Variants in PCDHA11 observed in about 807,000 individuals in gnomAD.
PCDHA11 encodes protocadherin alpha 11.
In PCDHA11, 61 loss-of-function variants were observed where a neutral mutation model predicts 70.3. The observed-to-expected ratio is 0.87, with a 90% CI of 0.71 to 1.07. The LOEUF (loss-of-function observed/expected upper bound fraction) is 1.07, where lower values mean the gene tolerates loss of function less well. Among genes scored for constraint, PCDHA11 ranks in the 50% least tolerant of loss-of-function variants. The pLI is 0.00. For synonymous variants in PCDHA11, 633 were observed against 555.1 expected, an observed-to-expected ratio of 1.14 and a Z score of -1.97; for missense variants, 1,324 against 1,237.5, an observed-to-expected ratio of 1.07 and a Z score of -1.05.
intron 1 of PCDHA11, among the ~76,000 whole-genome samples, chr5:140,893,419 G>A (rs2063984571): frequency 6.6e-6 from 1 of 152,158 alleles, no homozygotes; most frequent in African/African-American, 2.4e-5. Context: ...TAGGGAGGCA[G>A]AGGCAGGAAG....
chr5:140,967,747 A>G (rs782650276), intron 1 of PCDHA11: 36 of 1,614,042 alleles, frequency 2.2e-5, no homozygotes, highest in Non-Finnish European at 3.0e-5. Context: ...ATTATGAGGA[A>G]GCCTCCTCCT....
At position 140,961,643 on chromosome 5, in the gene PCDHA11, A is replaced by G. The variant is rs533824470; in HGVS notation, c.2392-17306A>G. Reference sequence around the variant, plus strand: ...CCATATGAAAAACAATCTTAAGTCTATGTGGTTAGTTTGAAGTTACCAGTT... The same window carrying G: ...CCATATGAAAAACAATCTTAAGTCTGTGTGGTTAGTTTGAAGTTACCAGTT... On this transcript the variant is annotated intron_variant, in intron 1 of 3. Coordinates refer to ENST00000398640, the MANE Select transcript of PCDHA11 (RefSeq NM_018902.5). Among the ~76,000 whole-genome samples the G allele has an allele frequency of 7.2e-5, 11 of 152,324 alleles. No homozygotes were observed. The East Asian group carries it at 1.9e-3, about 27-fold the overall frequency.
intron 1 of PCDHA11, chr5:140,927,194 T>C (rs2083959275): frequency 1.2e-6 from 2 of 1,614,122 alleles, no homozygotes; most frequent in Non-Finnish European, 1.7e-6. Context: ...GACCTGGTGC[T>C]CGAGGACCCG....
intron 1 of PCDHA11, among the ~76,000 whole-genome samples, chr5:140,962,154 C>T (rs1447978704): frequency 3.9e-5 from 6 of 152,210 alleles, no homozygotes; most frequent in Admixed American, 1.3e-4. Context: ...GGATTACAGG[C>T]GTGAGCCACC....
At chr5:140,883,288 A>G (rs781835023) in intron 1 of PCDHA11, 1 of 1,614,110 alleles carries the variant, frequency 6.2e-7, no homozygotes, top group Non-Finnish European at 8.5e-7. Context: ...TGGTGGAAGT[A>G]CTAGATGTAA....
At chr5:140,943,726 A>G (rs181662166) in intron 1 of PCDHA11, among the ~76,000 whole-genome samples, 8 of 152,372 alleles carry the variant, frequency 5.3e-5, no homozygotes, top group Middle Eastern at 3.4e-3. Flanking sequence ...GTCTGAGAGA[A>G]TGAAAGTCCA....
chr5:140,929,143 T>C (rs2085863317), intron 1 of PCDHA11: 1 of 1,614,234 alleles, frequency 6.2e-7, no homozygotes, highest in Non-Finnish European at 8.5e-7. Context: ...TGAGAGACTT[T>C]CTCAGACTTA....
chr5:141,007,348 C>T (rs1300636691), intron 3 of PCDHA11, among the ~76,000 whole-genome samples: 3 of 142,438 alleles, frequency 2.1e-5, no homozygotes, highest in African/African-American at 5.3e-5. Context: ...CTCAGGAGTT[C>T]GAGACCAGCC....
intron 1 of PCDHA11, among the ~76,000 whole-genome samples, chr5:140,911,208 G>A (rs1554194651): frequency 6.6e-6 from 1 of 152,154 alleles, no homozygotes; most frequent in Non-Finnish European, 1.5e-5. Flanking sequence ...TGCCACTACT[G>A]GGGATGAGAA....
At chr5:140,894,740 A>AT (rs1157881854) in intron 1 of PCDHA11, among the ~76,000 whole-genome samples, 7 of 151,086 alleles carry the variant, frequency 4.6e-5, no homozygotes, top group Middle Eastern at 3.4e-3. Flanking sequence ...AATTTGTGGA[A>AT]TTTTTTTTCT....
chr5:140,987,004 A>G (rs2097221558), intron 3 of PCDHA11, among the ~76,000 whole-genome samples: 2 of 152,242 alleles, frequency 1.3e-5, no homozygotes, highest in Non-Finnish European at 2.9e-5. Flanking sequence ...ACTTGAGGTC[A>G]TGAGTTCGAG....
At chr5:140,997,720 G>C (rs973128921) in intron 3 of PCDHA11, among the ~76,000 whole-genome samples, 1 of 151,568 alleles carries the variant, frequency 6.6e-6, no homozygotes, top group African/African-American at 2.4e-5. Flanking sequence ...ACCTTTCTAC[G>C]TCAGTACATA....
intron 2 of PCDHA11, 29 bp downstream of exon 2, chr5:140,979,036 A>G: frequency 6.2e-7 from 1 of 1,613,064 alleles, no homozygotes. Context: ...ATTCACTCAG[A>G]AGTAACCTTA....
Position 140,969,579 on chromosome 5 carries a change from G to A in PCDHA11, c.2392-9370G>A, listed in dbSNP as rs373969836. Reference sequence around the variant, plus strand: ...TCCATAAAATTGTTTGAGAAGTGAGGATTAGTCTTAATATTTAATGCTAAA... The same window carrying A: ...TCCATAAAATTGTTTGAGAAGTGAGAATTAGTCTTAATATTTAATGCTAAA... On this transcript the variant is annotated intron_variant, in intron 1 of 3. Coordinates refer to ENST00000398640, the MANE Select transcript of PCDHA11 (RefSeq NM_018902.5). 1,666 of 951,704 alleles carry A rather than the reference G, an allele frequency of 1.8e-3. 9 individuals carry two copies. The Middle Eastern group carries it at 0.019, about 11-fold the overall frequency. 59.0% of individuals were successfully genotyped at this position (951,704 alleles called of 1,614,324 possible). A position where few individuals can be genotyped will look rare whatever the true frequency, so the allele number is the denominator to read the frequency against.
intron 1 of PCDHA11, among the ~76,000 whole-genome samples, chr5:140,946,530 C>T (rs2093957873): frequency 6.6e-6 from 1 of 150,514 alleles, no homozygotes; most frequent in African/African-American, 2.5e-5. Context: ...CTCCCATGTT[C>T]ATTGCAGCAT....
Position 140,870,562 on chromosome 5 carries a change from G to A in PCDHA11, c.1459G>A (p.Ala487Thr). The change falls in exon 1 of 4, where the codon GCG (alanine) becomes ACG (threonine). Residue 487 changes from alanine to threonine, a missense_variant. Transcript: ENST00000398640. The part of the protein sequence containing the change: ...SARDADAQEN[A>T]LVSYSLVERR... The stretch of plus-strand genomic sequence containing the variant: ...GCGGGACGCGGACGCGCAGGAGAAC[G>A]CGCTGGTGTCCTACTCGCTGGTGGA... 1 of 1,613,996 alleles carries A rather than the reference G, an allele frequency of 6.2e-7. No homozygotes were observed. The highest frequency in any genetic ancestry group is 8.5e-7 in the Non-Finnish European group (1 of 1,179,988).
rs1554217734 is a variant in PCDHA11, at chr5:140,946,611, AATATATAT to A, written c.2392-32324_2392-32317del. Among the ~76,000 whole-genome samples, 24 of 86,806 alleles carry A rather than the reference AATATATAT, an allele frequency of 2.8e-4. 1 individual carries two copies. Among genetic ancestry groups the A allele is most frequent in the African/African-American group, 1.5e-3 (23 of 15,698 alleles). 56.9% of individuals were successfully genotyped at this position (86,806 alleles called of 152,430 possible). On this transcript the variant is annotated intron_variant, in intron 1 of 3. Coordinates refer to ENST00000398640, the MANE Select transcript of PCDHA11 (RefSeq NM_018902.5). ...GGATGAATAGATAAAGAAAATGTGA[AATATATAT>A]ATATATATATATACAATGGAATACT... is the stretch of plus-strand genomic sequence containing the variant.
At chr5:140,970,920 G>A (rs957123423) in intron 1 of PCDHA11, among the ~76,000 whole-genome samples, 2 of 152,266 alleles carry the variant, frequency 1.3e-5, no homozygotes, top group Non-Finnish European at 2.9e-5. Flanking sequence ...TTTATCAGAA[G>A]TGCCTGGTGT....
chr5:140,914,944 C>CT (rs35695909), intron 1 of PCDHA11, among the ~76,000 whole-genome samples: 3,966 of 128,238 alleles, frequency 0.031, 97 homozygotes, highest in Middle Eastern at 0.041. Context: ...GAAAAGTTGT[C>CT]TTTTTTTTTT....
Sources: gnomAD v4.1 joint callset for allele counts (sites outside exome capture counted in the v4.1 genomes callset) on GRCh38, gnomAD v4.1.1 for gene constraint, MANE v1.5 for transcripts, NCBI Gene and HGNC (gene_info 2026-07-23, HGNC 2026-07-21) for gene names.